Variants in CDH13 observed in about 807,000 individuals in gnomAD.
The protein encoded by CDH13 is cadherin 13.
A neutral mutation model predicts 63.8 loss-of-function variants in CDH13; 24 were observed. That is an observed-to-expected ratio of 0.38 (90% confidence interval 0.27 to 0.53). The LOEUF (loss-of-function observed/expected upper bound fraction) is 0.53. Among genes scored for constraint, CDH13 ranks in the 20% least tolerant of loss-of-function variants. CDH13 has a pLI of 0.85. For synonymous variants in CDH13, 503 were observed against 355.3 expected, an observed-to-expected ratio of 1.42 and a Z score of -4.67; for missense variants, 1,049 against 903.1, an observed-to-expected ratio of 1.16 and a Z score of -2.07.
chr16:82,687,580 T>G (rs1454327800), intron 1 of CDH13, among the ~76,000 whole-genome samples: 1 of 152,150 alleles, frequency 6.6e-6, no homozygotes, highest in East Asian at 1.9e-4. Flanking sequence ...AACCATCAGA[T>G]GTCGTGAGAC....
intron 2 of CDH13, among the ~76,000 whole-genome samples, chr16:83,012,654 C>G (rs1019404972): frequency 6.6e-6 from 1 of 152,102 alleles, no homozygotes; most frequent in Non-Finnish European, 1.5e-5. Flanking sequence ...GTTTTGCACC[C>G]GAACTTGATC....
At chr16:83,567,889 C>A (rs951481793) in intron 7 of CDH13, among the ~76,000 whole-genome samples, 1 of 152,206 alleles carries the variant, frequency 6.6e-6, no homozygotes, top group Admixed American at 6.5e-5. Flanking sequence ...GCCACCACGC[C>A]CGGCCTAGAC....
chr16:83,744,256 G>A (rs1912355535), intron 10 of CDH13, among the ~76,000 whole-genome samples: 1 of 152,184 alleles, frequency 6.6e-6, no homozygotes. Context: ...TTTTACCAGT[G>A]CATGTGCCTC....
At chr16:83,738,821 G>A (rs545363017) in intron 10 of CDH13, among the ~76,000 whole-genome samples, 2 of 152,230 alleles carry the variant, frequency 1.3e-5, no homozygotes, top group African/African-American at 4.8e-5. Flanking sequence ...CAGGAGAATC[G>A]CTTGAACCCA....
intron 10 of CDH13, among the ~76,000 whole-genome samples, chr16:83,697,044 G>A (rs1226227183): frequency 6.6e-6 from 1 of 152,104 alleles, no homozygotes; most frequent in Non-Finnish European, 1.5e-5. Flanking sequence ...TCCCATTCAG[G>A]AACTGTGCAA....
rs1387375 is a variant in CDH13, at chr16:83,484,716, G to C, written c.782-1761G>C. ...ACCAGGGAGAAGTTCTCCTTATAGAGTTGTTCTATGCACTTATAAACTGTA... is the reference window on the plus strand; with the variant it reads ...ACCAGGGAGAAGTTCTCCTTATAGACTTGTTCTATGCACTTATAAACTGTA... On this transcript the variant is annotated intron_variant, in intron 6 of 13. Coordinates refer to ENST00000567109, the MANE Select transcript of CDH13 (RefSeq NM_001257.5). Among the ~76,000 whole-genome samples the C allele has an allele frequency of 1.3e-3, 198 of 152,286 alleles. 4 individuals carry two copies. The South Asian group carries it at 0.038, about 29-fold the overall frequency.
chr16:82,636,932 C>G (rs1375257603), intron 1 of CDH13, among the ~76,000 whole-genome samples: 1 of 152,176 alleles, frequency 6.6e-6, no homozygotes, highest in Non-Finnish European at 1.5e-5. Flanking sequence ...GACCTGGATC[C>G]TGTTTCTAGC....
At chr16:83,133,698 C>T in intron 4 of CDH13, among the ~76,000 whole-genome samples, 1 of 152,152 alleles carries the variant, frequency 6.6e-6, no homozygotes, top group East Asian at 1.9e-4. Flanking sequence ...GGGGGTTCAC[C>T]ATATTGGTCA....
intron 13 of CDH13, among the ~76,000 whole-genome samples, chr16:83,792,515 T>C (rs1013842064): frequency 5.3e-5 from 8 of 152,236 alleles, no homozygotes; most frequent in African/African-American, 1.2e-4. Flanking sequence ...CAGGAGACAG[T>C]TGAAATGTCT....
At chr16:83,070,320 C>A (rs970216421) in intron 3 of CDH13, among the ~76,000 whole-genome samples, 5 of 152,144 alleles carry the variant, frequency 3.3e-5, no homozygotes, top group African/African-American at 1.2e-4. Context: ...GTACGATGAC[C>A]TTTGAGGTGC....
At chr16:82,701,786 A>G (rs1383577553) in intron 1 of CDH13, among the ~76,000 whole-genome samples, 2 of 152,054 alleles carry the variant, frequency 1.3e-5, no homozygotes, top group Non-Finnish European at 2.9e-5. Flanking sequence ...TTAACATGTC[A>G]CGTGCCCATC....
Position 83,279,328 on chromosome 16 carries a change from C to T in CDH13, c.636+61831C>T, listed in dbSNP as rs548463722. On this transcript the variant is annotated intron_variant, in intron 5 of 13. Coordinates refer to ENST00000567109, the MANE Select transcript of CDH13 (RefSeq NM_001257.5). ...TTGTTAGTAGAGATTTACATGCCTC[C>T]ATTCCACTCTTGAGTTTGAATTTAA... Among the ~76,000 whole-genome samples the T allele has an allele frequency of 1.6e-4, 24 of 152,280 alleles. 1 individual carries two copies. The highest frequency in any genetic ancestry group is 1.4e-3 in the Admixed American group (22 of 15,294).
At chr16:83,594,019 C>T (rs1481251264) in intron 7 of CDH13, among the ~76,000 whole-genome samples, 3 of 152,196 alleles carry the variant, frequency 2.0e-5, no homozygotes, top group Non-Finnish European at 4.4e-5. Flanking sequence ...CTTAGCTATA[C>T]TCTGTGCTTA....
At chr16:83,220,154 G>A (rs11150550) in intron 5 of CDH13, among the ~76,000 whole-genome samples, 35,306 of 152,164 alleles carry the variant, frequency 0.23, 4,794 homozygotes, top group African/African-American at 0.36. Flanking sequence ...ATGCACTTCA[G>A]TTCGGTCATT....
At chr16:83,591,921 C>T (rs544623928) in intron 7 of CDH13, among the ~76,000 whole-genome samples, 2 of 152,318 alleles carry the variant, frequency 1.3e-5, no homozygotes, top group South Asian at 2.1e-4. Context: ...AAAGGTCTCC[C>T]ACCTTCTTCC....
chr16:82,728,095 A>T (rs1205286528), intron 1 of CDH13, among the ~76,000 whole-genome samples: 1 of 152,126 alleles, frequency 6.6e-6, no homozygotes. Context: ...TACCTTATTT[A>T]TAGGGCTGCT....
chr16:82,741,070 T>TC (rs2033907006), intron 1 of CDH13, among the ~76,000 whole-genome samples: 2 of 152,148 alleles, frequency 1.3e-5, no homozygotes, highest in Non-Finnish European at 2.9e-5. Flanking sequence ...ACTCTCACTC[T>TC]CCCCACACCC....
chr16:82,961,452 C>T (rs1052022323), intron 2 of CDH13, among the ~76,000 whole-genome samples: 2 of 151,748 alleles, frequency 1.3e-5, no homozygotes, highest in Non-Finnish European at 2.9e-5. Flanking sequence ...AAATGAAGGC[C>T]CCAGATGATT....
intron 1 of CDH13, among the ~76,000 whole-genome samples, chr16:82,659,508 G>T (rs190956835): frequency 6.6e-6 from 1 of 152,186 alleles, no homozygotes; most frequent in East Asian, 1.9e-4. Context: ...AAAAAATAAC[G>T]TAAAACCATA....
Sources: allele counts gnomAD v4.1 joint callset (sites outside exome capture counted in the v4.1 genomes callset), GRCh38; gene constraint gnomAD v4.1.1; transcripts MANE v1.5; gene names NCBI Gene and HGNC (gene_info 2026-07-23, HGNC 2026-07-21).